WDR49: variants seen among roughly 807,000 people sequenced by gnomAD.
WDR49 encodes the protein cilia- and flagella-associated protein 337.
A neutral mutation model predicts 119.5 loss-of-function variants in WDR49; 107 were observed. The ratio of observed to expected loss-of-function variants is 0.90; its 90% CI spans 0.77 to 1.05. The LOEUF is 1.05. Among genes scored for constraint, WDR49 ranks in the 50% least tolerant of loss-of-function variants. WDR49 has a pLI of 0.00. For missense variants in WDR49, 1,240 were observed against 1,220.5 expected, an observed-to-expected ratio of 1.02 and a Z score of -0.24; for synonymous variants, 425 against 418.8, an observed-to-expected ratio of 1.01 and a Z score of -0.18.
At chr3:167,501,472 C>G (rs535724407) in intron 17 of WDR49, among the ~76,000 whole-genome samples, 96 of 152,110 alleles carry the variant, frequency 6.3e-4, no homozygotes, top group African/African-American at 2.2e-3. Context: ...ATATCTATCT[C>G]GTGTAATCCT....
chr3:167,493,557 G>T (rs571551718), intron 18 of WDR49, among the ~76,000 whole-genome samples: 1 of 152,254 alleles, frequency 6.6e-6, no homozygotes, highest in Non-Finnish European at 1.5e-5. Context: ...TGGGATGGGT[G>T]GGACTCTTCC....
chr3:167,558,205 G>A (rs550908971), intron 9 of WDR49, among the ~76,000 whole-genome samples: 172 of 152,036 alleles, frequency 1.1e-3, no homozygotes, highest in African/African-American at 4.0e-3. Context: ...CTGGAAACAG[G>A]GATGATATAT....
intron 5 of WDR49, among the ~76,000 whole-genome samples, chr3:167,619,353 T>C (rs1030290651): frequency 1.3e-5 from 2 of 152,160 alleles, no homozygotes; most frequent in Admixed American, 6.6e-5. Context: ...ACACATAATT[T>C]TGTGCCTGTC....
At chr3:167,595,524 T>C (rs1455962796) in intron 7 of WDR49, among the ~76,000 whole-genome samples, 2 of 152,106 alleles carry the variant, frequency 1.3e-5, no homozygotes, top group Admixed American at 6.6e-5. Flanking sequence ...AACAGAGATA[T>C]AGATCAATGG....
chr3:167,573,346 G>A (rs1488837386), intron 8 of WDR49, among the ~76,000 whole-genome samples: 2 of 149,144 alleles, frequency 1.3e-5, no homozygotes, highest in African/African-American at 4.9e-5. Context: ...GGATTCCTTT[G>A]CATTCTTAAA....
At chr3:167,516,048 G>A (rs1416932406) in intron 16 of WDR49, among the ~76,000 whole-genome samples, 21 of 152,160 alleles carry the variant, frequency 1.4e-4, no homozygotes, top group Middle Eastern at 6.8e-3. Flanking sequence ...CATGAAAATC[G>A]CCATACTGCC....
intron 11 of WDR49, 119 bp from the exon 12 acceptor site, chr3:167,533,096 G>C (rs1015835031): frequency 8.7e-6 from 5 of 575,874 alleles, no homozygotes; most frequent in Non-Finnish European, 1.5e-5. Context: ...CACATAGTGG[G>C]CACTCTATAT....
chr3:167,627,996 A>G (rs1339114073), intron 2 of WDR49, among the ~76,000 whole-genome samples: 2 of 151,972 alleles, frequency 1.3e-5, no homozygotes, highest in African/African-American at 4.8e-5. Flanking sequence ...TATTATTATT[A>G]TATCTGTTAT....
At chr3:167,512,261 C>A (rs1752005331) in intron 16 of WDR49, among the ~76,000 whole-genome samples, 2 of 152,114 alleles carry the variant, frequency 1.3e-5, no homozygotes, top group Non-Finnish European at 2.9e-5. Flanking sequence ...GAGCAGGCAG[C>A]CATCTTTGCT....
intron 8 of WDR49, among the ~76,000 whole-genome samples, chr3:167,566,187 G>A (rs767540848): frequency 1.3e-5 from 2 of 152,108 alleles, no homozygotes; most frequent in Non-Finnish European, 2.9e-5. Context: ...GGCAATATTC[G>A]TCAAGATTAC....
chr3:167,490,041 C>T (rs1429936862), intron 18 of WDR49, among the ~76,000 whole-genome samples: 2 of 152,118 alleles, frequency 1.3e-5, no homozygotes, highest in Non-Finnish European at 2.9e-5. Context: ...CCACTGCCCA[C>T]ATCTTGAGGT....
chr3:167,570,999 T>C (rs569388344), intron 8 of WDR49, among the ~76,000 whole-genome samples: 3 of 145,788 alleles, frequency 2.1e-5, no homozygotes, highest in African/African-American at 7.7e-5. Context: ...CACTCTAGCT[T>C]GGGCGACAGA....
intron 8 of WDR49, chr3:167,575,004 A>C: frequency 2.1e-6 from 2 of 959,824 alleles, no homozygotes; most frequent in South Asian, 4.8e-5. Context: ...TTACTAACAA[A>C]GGGCTTTCCA....
chr3:167,644,075 G>A (rs1339375615), intron 2 of WDR49, among the ~76,000 whole-genome samples: 7 of 132,814 alleles, frequency 5.3e-5, no homozygotes, highest in Non-Finnish European at 1.1e-4. Flanking sequence ...TTTTTTTTTG[G>A]ATTTCTCTTC....
intron 7 of WDR49, among the ~76,000 whole-genome samples, chr3:167,597,478 C>T (rs1715541056): frequency 6.6e-6 from 1 of 152,168 alleles, no homozygotes; most frequent in South Asian, 2.1e-4. Flanking sequence ...GATAGTCCCC[C>T]TGGGGCACTG....
intron 7 of WDR49, among the ~76,000 whole-genome samples, chr3:167,579,735 C>A (rs530153835): frequency 6.6e-6 from 1 of 152,022 alleles, no homozygotes; most frequent in African/African-American, 2.4e-5. Context: ...AACATGAATT[C>A]TGTTATAAAT....
At chr3:167,525,029 T>C (rs1163835744) in intron 15 of WDR49, among the ~76,000 whole-genome samples, 1 of 152,230 alleles carries the variant, frequency 6.6e-6, no homozygotes, top group African/African-American at 2.4e-5. Context: ...CGATTCTTCC[T>C]GTTCATGAGC....
At chr3:167,492,020 CA>C (rs1248029768) in intron 18 of WDR49, among the ~76,000 whole-genome samples, 2 of 151,948 alleles carry the variant, frequency 1.3e-5, no homozygotes, top group Non-Finnish European at 2.9e-5. Flanking sequence ...TCTCATTGTA[CA>C]ACTGCCAAAA....
chr3:167,525,420 CT>C (rs1387953599), intron 15 of WDR49, among the ~76,000 whole-genome samples: 1 of 152,076 alleles, frequency 6.6e-6, no homozygotes, highest in Non-Finnish European at 1.5e-5. Context: ...CCTGATTGCT[CT>C]TTTTTTAAGA....
Sources: allele counts gnomAD v4.1 joint callset (sites outside exome capture counted in the v4.1 genomes callset), GRCh38; gene constraint gnomAD v4.1.1; transcripts MANE v1.5; gene names NCBI Gene and HGNC (gene_info 2026-07-23, HGNC 2026-07-21).